The following SPOCK3 variants were observed in gnomAD, a reference collection of about 807,000 sequenced individuals.
The protein encoded by SPOCK3 is testican-3.
SPOCK3 carries 30 observed loss-of-function variants against 56.6 expected under a neutral mutation model. The ratio of observed to expected loss-of-function variants is 0.53; its 90% CI spans 0.40 to 0.72. SPOCK3 has a LOEUF of 0.72. Among genes scored for constraint, SPOCK3 ranks in the 30% least tolerant of loss-of-function variants. The probability of loss-of-function intolerance (pLI) is 0.00; values close to 1 mark genes in which losing one functional copy is unlikely to be tolerated. For missense variants in SPOCK3, 527 were observed against 530.0 expected (o/e 0.99, Z 0.06); for synonymous variants, 196 against 183.3 (o/e 1.07, Z -0.56).
At chr4:167,060,837 A>C (rs1207929754) in intron 3 of SPOCK3, among the ~76,000 whole-genome samples, 1 of 152,090 alleles carries the variant, frequency 6.6e-6, no homozygotes, top group Non-Finnish European at 1.5e-5. Context: ...ATATAACCTG[A>C]GCAGGAGCTT....
rs530112552 is a variant in SPOCK3, at chr4:167,084,248, A to T, written c.190-21711T>A. Among the ~76,000 whole-genome samples the T allele has an allele frequency of 2.6e-5, 4 of 152,266 alleles. No individual in the cohort carries two copies. In the South Asian group the frequency reaches 6.2e-4, roughly 24 times the overall value. On this transcript the variant is annotated intron_variant, in intron 2 of 10. Coordinates refer to ENST00000357545, the MANE Select transcript of SPOCK3 (RefSeq NM_001040159.2). ...AAATGATATAGTTGATCATTGCCTG[A>T]ATATGCTGGAAATCATAATCTCTGT...
intron 2 of SPOCK3, among the ~76,000 whole-genome samples, chr4:167,072,912 C>T (rs1304341577): frequency 2.0e-5 from 3 of 151,774 alleles, no homozygotes; most frequent in African/African-American, 7.2e-5. Flanking sequence ...AAATTAAGGT[C>T]AAGTGCCTCT....
intron 7 of SPOCK3, among the ~76,000 whole-genome samples, chr4:166,769,283 C>T (rs1189178070): frequency 6.6e-6 from 1 of 152,098 alleles, no homozygotes; most frequent in Non-Finnish European, 1.5e-5. Flanking sequence ...GTATTTTCAG[C>T]TTTTCTGCTC....
chr4:166,866,231 C>T (rs190133510), intron 6 of SPOCK3, among the ~76,000 whole-genome samples: 1 of 152,100 alleles, frequency 6.6e-6, no homozygotes, highest in Admixed American at 6.6e-5. Flanking sequence ...TAGCCATATG[C>T]AGAAAACAGA....
chr4:167,034,239 T>G (rs2150186563), intron 3 of SPOCK3, among the ~76,000 whole-genome samples: 1 of 152,088 alleles, frequency 6.6e-6, no homozygotes. Flanking sequence ...TTACTATTTT[T>G]TCTTGTGCAA....
intron 5 of SPOCK3, among the ~76,000 whole-genome samples, chr4:166,902,273 T>C (rs1317326863): frequency 6.6e-6 from 1 of 152,150 alleles, no homozygotes; most frequent in African/African-American, 2.4e-5. Context: ...GGCTTTTTTG[T>C]CTGGATGGAC....
At chr4:166,803,924 C>A (rs76556740) in intron 6 of SPOCK3, among the ~76,000 whole-genome samples, 5 of 152,200 alleles carry the variant, frequency 3.3e-5, no homozygotes, top group African/African-American at 1.2e-4. Flanking sequence ...GAGAAAGAGG[C>A]CTTCTCTAAC....
At chr4:166,946,863 T>G (rs1403893987) in intron 4 of SPOCK3, among the ~76,000 whole-genome samples, 1 of 152,144 alleles carries the variant, frequency 6.6e-6, no homozygotes, top group Non-Finnish European at 1.5e-5. Flanking sequence ...AGATGAACAA[T>G]ACCATAATTG....
At chr4:167,014,725 T>C (rs1047036355) in intron 3 of SPOCK3, among the ~76,000 whole-genome samples, 4 of 151,884 alleles carry the variant, frequency 2.6e-5, no homozygotes, top group African/African-American at 9.7e-5. Flanking sequence ...GTGTCAAACA[T>C]TGCTATCAAA....
intron 4 of SPOCK3, among the ~76,000 whole-genome samples, chr4:166,992,362 T>C (rs1747884596): frequency 2.0e-5 from 3 of 152,190 alleles, no homozygotes; most frequent in Non-Finnish European, 4.4e-5. Flanking sequence ...ACATCACCTA[T>C]GTATAATATT....
intron 4 of SPOCK3, among the ~76,000 whole-genome samples, chr4:166,982,512 A>G (rs761696369): frequency 2.6e-5 from 4 of 152,198 alleles, no homozygotes; most frequent in Non-Finnish European, 5.9e-5. Context: ...AGATCGCACC[A>G]CTGCATTCCA....
At chr4:166,927,576 C>T (rs964762947) in intron 4 of SPOCK3, among the ~76,000 whole-genome samples, 2 of 152,128 alleles carry the variant, frequency 1.3e-5, no homozygotes, top group African/African-American at 4.8e-5. Context: ...CAAAATGTAA[C>T]TCAAAACGTA....
intron 3 of SPOCK3, among the ~76,000 whole-genome samples, chr4:167,005,987 T>C (rs1322563985): frequency 6.6e-6 from 1 of 152,196 alleles, no homozygotes; most frequent in African/African-American, 2.4e-5. Flanking sequence ...ATCATATTGA[T>C]TTTTTACAAT....
chr4:166,842,775 G>A (rs558398831), intron 6 of SPOCK3, among the ~76,000 whole-genome samples: 48 of 152,316 alleles, frequency 3.2e-4, no homozygotes, highest in African/African-American at 1.0e-3. Context: ...AGCTGGCTTC[G>A]CCTGGTGGAT....
At chr4:166,901,116 T>C (rs1435653273) in intron 5 of SPOCK3, among the ~76,000 whole-genome samples, 1 of 152,174 alleles carries the variant, frequency 6.6e-6, no homozygotes, top group Non-Finnish European at 1.5e-5. Context: ...CACCAGCTCC[T>C]GAACCTCCCA....
In SPOCK3 at chr4:166,921,273, ATT is replaced by A. The variant is rs150342499; in HGVS notation, c.351-8532_351-8531del. Among the ~76,000 whole-genome samples, 436 of 151,616 alleles carry A rather than the reference ATT, an allele frequency of 2.9e-3. 8 individuals carry two copies. In the East Asian group the frequency reaches 0.033, roughly 11 times the overall value. ...TTATCCTATAGCATTTTTCTATCAG[ATT>A]GTATTGGTTTCCTGTCCTGGAAGAG... On this transcript the variant is annotated intron_variant, in intron 4 of 10. Coordinates refer to ENST00000357545, the MANE Select transcript of SPOCK3 (RefSeq NM_001040159.2).
At chr4:166,942,095 G>A (rs1282929606) in intron 4 of SPOCK3, among the ~76,000 whole-genome samples, 2 of 152,178 alleles carry the variant, frequency 1.3e-5, no homozygotes, top group African/African-American at 4.8e-5. Context: ...ACACTTAAAT[G>A]TTACTGTATC....
chr4:167,064,155 T>C (rs1471059923), intron 2 of SPOCK3, among the ~76,000 whole-genome samples: 2 of 151,864 alleles, frequency 1.3e-5, no homozygotes, highest in Non-Finnish European at 2.9e-5. Flanking sequence ...TTTTTTAATG[T>C]GACTAACAGT....
chr4:166,735,089 A>G lies in SPOCK3; in HGVS notation c.1134T>C (p.Ala378=), dbSNP rs746200032. 2.5e-6 allele frequency: 4 copies of G among 1,588,492 alleles called. No homozygotes were observed. Among genetic ancestry groups the G allele is most frequent in the South Asian group, 1.2e-5 (1 of 86,604 alleles). The stretch of plus-strand genomic sequence containing the variant: ...AATCTCCGGAGATCTCAAAATCTAT[A>G]GCTTAAAACAAGTGAAAGTAAACAT... ...GSRINGVADC[A]IDFEISGDFA... is the part of the protein sequence containing the mutation. Residue 378 remains alanine, a splice_region_variant and synonymous_variant, in exon 11 of 11, where the codon GCT becomes GCC. Transcript: ENST00000357545.
Sources: allele counts gnomAD v4.1 joint callset (sites outside exome capture counted in the v4.1 genomes callset), GRCh38; gene constraint gnomAD v4.1.1; transcripts MANE v1.5; gene names NCBI Gene and HGNC (gene_info 2026-07-23, HGNC 2026-07-21).